MIER2: variants seen among roughly 807,000 people sequenced by gnomAD.
The protein encoded by MIER2 is MIER family member 2, also known as mesoderm induction early response protein 2.
In MIER2, 30 loss-of-function variants were observed where a neutral mutation model predicts 67.6. The ratio of observed to expected loss-of-function variants is 0.44; its 90% CI spans 0.33 to 0.60. MIER2 has a LOEUF of 0.60. MIER2 is among the 20% of genes least tolerant of loss of function. The pLI, the probability that MIER2 is intolerant of heterozygous loss-of-function variation, is 0.02. For missense variants in MIER2, 702 were observed against 745.1 expected (o/e 0.94, Z 0.67); for synonymous variants, 372 against 312.6 (o/e 1.19, Z -2.00).
At chr19:332,758 T>C (rs1450041069) in intron 3 of MIER2, among the ~76,000 whole-genome samples, 5 of 90,530 alleles carry the variant, frequency 5.5e-5, no homozygotes, top group Non-Finnish European at 1.1e-4. Context: ...TTTTAACTTT[T>C]CATGTAATAA....
At position 326,548 on chromosome 19, in the gene MIER2, C is replaced by T. The variant is rs948129236; in HGVS notation, c.544G>A (p.Asp182Asn). Residue 182 changes from aspartate to asparagine, a missense_variant, in exon 6 of 14, where the codon GAC (aspartate) becomes AAC (asparagine). Physicochemically the swap from Asp to Asn is conservative, Grantham distance 23. Around this residue, in one of 3 missense-constraint regions of MIER2, gnomAD observed 320 missense variants for 292.6 expected, o/e 1.09. Transcript: ENST00000264819. Reference sequence around the variant, plus strand: ...GCAGGAAGAGAGTCCTCCTCGGTGTCGGAGGAGGCAGAAGAGCCAGGCTCT... The same window carrying T: ...GCAGGAAGAGAGTCCTCCTCGGTGTTGGAGGAGGCAGAAGAGCCAGGCTCT... ...DREPGSSASS[D>N]TEEDSLPANK... 9 of 1,613,934 alleles carry T rather than the reference C, an allele frequency of 5.6e-6. No homozygotes were observed. Among genetic ancestry groups the T allele is most frequent in the Middle Eastern group, 1.6e-4 (1 of 6,080 alleles).
Position 308,968 on chromosome 19 carries a change from A to G in MIER2, c.985-43T>C. 3 of 1,578,566 alleles carry G rather than the reference A, an allele frequency of 1.9e-6. No individual in the cohort carries two copies. Among genetic ancestry groups the G allele is most frequent in the South Asian group, 1.1e-5 (1 of 88,614 alleles). ...GAGCCATCTCTGTCCCCGGCTGCCCAGCCCCAGCACCTGCACCACGATCCC... is the reference window on the plus strand; with the variant it reads ...GAGCCATCTCTGTCCCCGGCTGCCCGGCCCCAGCACCTGCACCACGATCCC... On this transcript the variant is annotated intron_variant, in intron 10 of 13. Coordinates refer to ENST00000264819, the MANE Select transcript of MIER2 (RefSeq NM_017550.3). The surrounding 1 kb of genome is among the most constrained non-coding windows in gnomAD (Gnocchi z 9.1).
intron 6 of MIER2, among the ~76,000 whole-genome samples, chr19:326,111 G>A (rs542826659): frequency 6.6e-6 from 1 of 152,358 alleles, no homozygotes; most frequent in South Asian, 2.1e-4. Flanking sequence ...TACTGAGGCC[G>A]AGATACCAGG....
chr19:342,399 G>A (rs923950902), intron 1 of MIER2, among the ~76,000 whole-genome samples: 2 of 151,860 alleles, frequency 1.3e-5, no homozygotes, highest in Admixed American at 1.3e-4. Context: ...CAGTCGAGGT[G>A]GAACCATCGT....
chr19:321,627 G>C lies in MIER2; in HGVS notation c.655+4008C>G, dbSNP rs370079078. The stretch of plus-strand genomic sequence containing the variant: ...CCACTGCACTCCAGCCTGGGCAACA[G>C]AGCAAGACTCCATCTCAAAAAAAAA... On this transcript the variant is annotated intron_variant, in intron 7 of 13. Coordinates refer to ENST00000264819, the MANE Select transcript of MIER2 (RefSeq NM_017550.3). Among the ~76,000 whole-genome samples, 28 of 152,026 alleles carry C rather than the reference G, an allele frequency of 1.8e-4. No homozygotes were observed. The East Asian group carries it at 3.9e-3, about 21-fold the overall frequency.
chr19:338,571 G>T (rs974712353), intron 1 of MIER2, among the ~76,000 whole-genome samples: 1 of 143,072 alleles, frequency 7.0e-6, no homozygotes, highest in Non-Finnish European at 1.5e-5. Flanking sequence ...AGAAACCCAC[G>T]AGCCGATTTC....
chr19:327,928 A>G lies in MIER2; in HGVS notation c.305T>C (p.Ile102Thr), dbSNP rs1971836586. 2 of 1,613,018 alleles carry G rather than the reference A, an allele frequency of 1.2e-6. No homozygotes were observed. Among genetic ancestry groups the G allele is most frequent in the Non-Finnish European group, 1.7e-6 (2 of 1,179,556 alleles). Residue 102 changes from isoleucine to threonine, a missense_variant, in exon 4 of 14, where the codon ATT becomes ACT. Around this residue, in one of 3 missense-constraint regions of MIER2, gnomAD observed 320 missense variants for 292.6 expected, o/e 1.09. Coordinates refer to ENST00000264819, the MANE Select transcript of MIER2 (RefSeq NM_017550.3). Reference protein sequence around the residue: ...ALYGYEASDPISDRESEGGDV... With the variant: ...ALYGYEASDPTSDRESEGGDV... ...ACCACCCTCACTCTCCCGGTCTGAA[A>G]TGGGGTCTGACGCCTCGTAGCCATA...
In MIER2 at chr19:325,676, G is replaced by C; in HGVS notation, c.614C>G (p.Ala205Gly). Residue 205 changes from alanine to glycine, a missense_variant, in exon 7 of 14, where the codon GCT becomes GGT. Coordinates refer to ENST00000264819, the MANE Select transcript of MIER2 (RefSeq NM_017550.3). Reference protein sequence around the residue: ...KEIMVGPQFQADLSNLHLNRH... With the variant: ...KEIMVGPQFQGDLSNLHLNRH... ...GTTCAAGTGCAGGTTGCTGAGGTCA[G>C]CTTGGAACTGAGGTCCCACCATGAT... 6.2e-7 allele frequency: 1 copy of C among 1,614,224 alleles called. No homozygotes were observed. Among genetic ancestry groups the C allele is most frequent in the Non-Finnish European group, 8.5e-7 (1 of 1,180,046 alleles).
chr19:307,377 G>T lies in MIER2; in HGVS notation c.1358C>A (p.Ala453Asp). 2 of 1,607,080 alleles carry T rather than the reference G, an allele frequency of 1.2e-6. No homozygotes were observed. Among genetic ancestry groups the T allele is most frequent in the Non-Finnish European group, 8.5e-7 (1 of 1,177,836 alleles). Residue 453 changes from alanine (A) to aspartate (D), a missense_variant, in exon 13 of 14, where the codon GCC becomes GAC. This residue lies in a region of MIER2 where 254 missense variants were observed against 262.8 expected (regional missense o/e 0.97). Coordinates refer to ENST00000264819, the MANE Select transcript of MIER2 (RefSeq NM_017550.3). ...SHRPPALADP[A>D]SYQPAVTAPE... ...AGCAGTGACAGCTGGCTGGTATGAG[G>T]CTGGGTCGGCCAGGGCTGGGGGCCG...
chr19:308,770 T>G lies in MIER2; in HGVS notation c.1109+31A>C. ...GCCCACCCCCGGCGGGGTGGCCGCC[T>G]GTCGTTACTGCTGGGGAGGGCTGCA... On this transcript the variant is annotated intron_variant, in intron 11 of 13. Coordinates refer to ENST00000264819, the MANE Select transcript of MIER2 (RefSeq NM_017550.3). This position sits in a 1 kb window ranked among gnomAD's most constrained non-coding sequence, Gnocchi z 9.1. The G allele has an allele frequency of 6.3e-7, 1 of 1,594,962 alleles. No individual in the cohort carries two copies. Among genetic ancestry groups the G allele is most frequent in the Non-Finnish European group, 8.6e-7 (1 of 1,165,762 alleles).
intron 10 of MIER2, among the ~76,000 whole-genome samples, chr19:310,037 GAC>G (rs775690361): frequency 0.05 from 5,746 of 114,860 alleles, 297 homozygotes; most frequent in African/African-American, 0.11. Context: ...GACGAGAAGG[GAC>G]ACACACACAC....
intron 3 of MIER2, 199 bp downstream of exon 3, chr19:334,201 T>C (rs913204610): frequency 5.1e-5 from 34 of 669,932 alleles, no homozygotes; most frequent in Non-Finnish European, 6.9e-5. Context: ...GCTTAATCCT[T>C]GACCACCGTG....
intron 7 of MIER2, among the ~76,000 whole-genome samples, chr19:321,320 T>C (rs1008306758): frequency 6.6e-6 from 1 of 152,190 alleles, no homozygotes; most frequent in Non-Finnish European, 1.5e-5. Context: ...GCACGTTTAT[T>C]CCACCGTGCA....
rs1300089914 is a variant in MIER2, at chr19:307,194, A to G, written c.1541T>C (p.Ile514Thr). 1.9e-6 allele frequency: 3 copies of G among 1,590,966 alleles called. No homozygotes were observed. Among genetic ancestry groups the G allele is most frequent in the Non-Finnish European group, 2.6e-6 (3 of 1,168,894 alleles). The change falls in exon 13 of 14, where the codon ATT becomes ACT. Residue 514 changes from isoleucine to threonine, a missense_variant. By Grantham distance (89) the Ile-to-Thr change is moderately conservative (BLOSUM62 -1). Around this residue, in one of 3 missense-constraint regions of MIER2, gnomAD observed 254 missense variants for 262.8 expected, o/e 0.97. Coordinates refer to ENST00000264819, the MANE Select transcript of MIER2 (RefSeq NM_017550.3). ...GGCCAGGAAGGGGTTCACGTCCCCA[A>G]TGCCGATGAGTCCAAACTCGGTGAC... ...LSVTEFGLIG[I>T]GDVNPFLAAH...
chr19:336,044 C>T (rs1972237112), intron 2 of MIER2, 39 bp downstream of exon 2: 3 of 1,596,030 alleles, frequency 1.9e-6, no homozygotes, highest in Non-Finnish European at 2.6e-6. Flanking sequence ...CCACAAAGGC[C>T]TTGGCGGACC....
In MIER2 at chr19:310,962, G is replaced by A. The variant is rs569595963; in HGVS notation, c.984+883C>T. Among the ~76,000 whole-genome samples, 209 of 152,312 alleles carry A rather than the reference G, an allele frequency of 1.4e-3. 1 individual carries two copies. The highest frequency in any genetic ancestry group is 2.5e-3 in the Non-Finnish European group (169 of 68,032). ...CCGCTGTCTCCAATCAAAACACCAC[G>A]TGGTGCTGGAGTCTGACAAGGACAG... On this transcript the variant is annotated intron_variant, in intron 10 of 13. Coordinates refer to ENST00000264819, the MANE Select transcript of MIER2 (RefSeq NM_017550.3).
intron 7 of MIER2, among the ~76,000 whole-genome samples, chr19:320,542 A>T (rs902180451): frequency 2.6e-5 from 4 of 152,206 alleles, no homozygotes; most frequent in African/African-American, 9.6e-5. Flanking sequence ...GCACAGCAGG[A>T]GGTGAGCGGC....
rs553706297 is a variant in MIER2, at chr19:334,548, G to A, written c.101-6C>T. On this transcript the variant is annotated splice_polypyrimidine_tract_variant and splice_region_variant and intron_variant, in intron 2 of 13. Transcript: ENST00000264819. ...TCCAGAGCCCATGGACACCACTGGG[G>A]AGAAGAGAGCAGCCCAGGTGAGCAC... is the stretch of plus-strand genomic sequence containing the variant. 3.1e-6 allele frequency: 5 copies of A among 1,613,446 alleles called. No homozygotes were observed. The highest frequency in any genetic ancestry group is 4.2e-6 in the Non-Finnish European group (5 of 1,179,920).
chr19:311,512 C>T (rs1970998343), intron 10 of MIER2, among the ~76,000 whole-genome samples: 1 of 152,182 alleles, frequency 6.6e-6, no homozygotes, highest in African/African-American at 2.4e-5. Flanking sequence ...CAATGCTGGA[C>T]ACTGAGCCAG....
Sources: allele counts gnomAD v4.1 joint callset (sites outside exome capture counted in the v4.1 genomes callset), GRCh38; gene constraint gnomAD v4.1.1; regional missense constraint gnomAD v4.1.1; non-coding constraint Gnocchi (gnomAD v3.1); transcripts MANE v1.5; gene names NCBI Gene and HGNC (gene_info 2026-07-23, HGNC 2026-07-21).